The following NUP37 variants were observed in gnomAD, a reference collection of about 807,000 sequenced individuals.
NUP37 encodes the protein nucleoporin Nup37.
NUP37 carries 33 observed loss-of-function variants against 45.4 expected under a neutral mutation model. That is an observed-to-expected ratio of 0.73 (90% CI 0.55 to 0.97). NUP37 has a LOEUF of 0.97. Ranked by LOEUF, NUP37 falls within the 50% of genes least tolerant of loss-of-function variation. The probability of loss-of-function intolerance (pLI) is 0.00; values close to 1 mark genes in which losing one functional copy is unlikely to be tolerated. For missense variants in NUP37, 365 were observed against 389.7 expected, an observed-to-expected ratio of 0.94 and a Z score of 0.53; for synonymous variants, 127 against 130.7, an observed-to-expected ratio of 0.97 and a Z score of 0.19.
In NUP37 at chr12:102,081,232, T is replaced by G. The variant is rs139716924; in HGVS notation, c.541-3729A>C. Among the ~76,000 whole-genome samples the G allele has an allele frequency of 1.7e-4, 26 of 152,380 alleles. No individual in the cohort carries two copies. The East Asian group carries it at 4.0e-3, about 24-fold the overall frequency. On this transcript the variant is annotated intron_variant, in intron 6 of 9. Coordinates refer to ENST00000552283, the MANE Select transcript of NUP37 (RefSeq NM_024057.4). ...ACTCAAAAAACATTGGCTATTATTA[T>G]AGGTTAAAGTCAAATTAAAACTCAG...
chr12:102,085,791 C>T lies in NUP37; in HGVS notation c.515G>A (p.Cys172Tyr). ...FVLHSPGMSV[C>Y]WHPEETFKLM... ...CTTAAAAGTCTCCTCAGGATGCCAGCACACACTCATGCCAGGAGAATGAAG... is the reference window on the plus strand; with the variant it reads ...CTTAAAAGTCTCCTCAGGATGCCAGTACACACTCATGCCAGGAGAATGAAG... Residue 172 changes from cysteine to tyrosine, a missense_variant, in exon 6 of 10, where the codon TGC becomes TAC. Physicochemically the swap from Cys to Tyr is radical, Grantham distance 194 (BLOSUM62 -2). Transcript: ENST00000552283. The T allele has an allele frequency of 6.3e-7, 1 of 1,591,944 alleles. No individual in the cohort carries two copies. The highest frequency in any genetic ancestry group is 8.6e-7 in the Non-Finnish European group (1 of 1,162,488).
At chr12:102,074,700 C>T in intron 9 of NUP37, 1 of 453,930 alleles carries the variant, frequency 2.2e-6, no homozygotes, top group South Asian at 4.5e-5. Context: ...GCAGTCTACA[C>T]CAACCAAACA....
At chr12:102,103,597 T>G (rs1465235657) in intron 3 of NUP37, among the ~76,000 whole-genome samples, 1 of 152,192 alleles carries the variant, frequency 6.6e-6, no homozygotes, top group African/African-American at 2.4e-5. Context: ...CTAATTGCTC[T>G]GGCTAGGACT....
chr12:102,085,458 C>CA (rs1190286291), intron 6 of NUP37, among the ~76,000 whole-genome samples: 3 of 151,620 alleles, frequency 2.0e-5, no homozygotes, highest in Admixed American at 6.6e-5. Context: ...AAAACCAAAA[C>CA]AAAAAAAATC....
intron 5 of NUP37, among the ~76,000 whole-genome samples, chr12:102,098,279 C>T (rs999391036): frequency 6.6e-6 from 1 of 152,108 alleles, no homozygotes; most frequent in African/African-American, 2.4e-5. Flanking sequence ...GTTATAGCTA[C>T]CTCATCTGTT....
intron 1 of NUP37, among the ~76,000 whole-genome samples, chr12:102,119,596 T>C (rs996637919): frequency 2.6e-5 from 4 of 151,992 alleles, no homozygotes; most frequent in Non-Finnish European, 4.4e-5. Context: ...TCAAGCACCT[T>C]AAGAGTATGT....
intron 6 of NUP37, among the ~76,000 whole-genome samples, chr12:102,083,119 C>T (rs1879374473): frequency 6.6e-6 from 1 of 152,034 alleles, no homozygotes; most frequent in South Asian, 2.1e-4. Context: ...AAAATAACAG[C>T]AAGAAATTAA....
intron 7 of NUP37, chr12:102,077,112 T>C (rs1204650155): frequency 1.6e-6 from 1 of 626,394 alleles, no homozygotes; most frequent in Non-Finnish European, 2.8e-6. Context: ...AGATTTCCTC[T>C]TTTGCACTGT....
chr12:102,109,633 A>T (rs1019844729), intron 3 of NUP37, among the ~76,000 whole-genome samples: 3 of 152,174 alleles, frequency 2.0e-5, no homozygotes, highest in African/African-American at 7.2e-5. Context: ...ATGGCCTGCT[A>T]ATGTCTTTTG....
At chr12:102,098,577 G>A (rs1879880568) in intron 5 of NUP37, among the ~76,000 whole-genome samples, 1 of 151,750 alleles carries the variant, frequency 6.6e-6, no homozygotes. Context: ...TGCCACCCAG[G>A]CTGGAGTGCA....
At chr12:102,114,286 T>A (rs1480194479) in intron 2 of NUP37, among the ~76,000 whole-genome samples, 1 of 152,176 alleles carries the variant, frequency 6.6e-6, no homozygotes, top group Non-Finnish European at 1.5e-5. Context: ...TTGTTGACAA[T>A]CAAGTCCTTT....
At chr12:102,078,250 C>T (rs1026071495) in intron 6 of NUP37, among the ~76,000 whole-genome samples, 10 of 151,532 alleles carry the variant, frequency 6.6e-5, no homozygotes, top group Admixed American at 5.9e-4. Flanking sequence ...TGCTTGAATC[C>T]GAGAGGCAGA....
At chr12:102,104,199 G>A (rs138261252) in intron 3 of NUP37, among the ~76,000 whole-genome samples, 80 of 152,182 alleles carry the variant, frequency 5.3e-4, no homozygotes, top group African/African-American at 1.7e-3. Context: ...GTTTTGATTT[G>A]TATTTCTTTA....
rs527419143 is a variant in NUP37 at position 102,079,201 on chromosome 12, G to A, written c.541-1698C>T. 4.6e-5 allele frequency: 21 copies of A among 455,858 alleles called. No homozygotes were observed. In the East Asian group the frequency reaches 1.3e-3, roughly 29 times the overall value. The allele number at this position is 455,858 out of a possible 1,614,324, so 28.2% of individuals were successfully genotyped here. A position where few individuals can be genotyped will look rare whatever the true frequency, so the allele number is the denominator to read the frequency against. ...CCATTTAAACCTGTTGAGTGACCTG[G>A]AGTTATCTTTCATATCTGTAAAATG... On this transcript the variant is annotated intron_variant, in intron 6 of 9. Coordinates refer to ENST00000552283, the MANE Select transcript of NUP37 (RefSeq NM_024057.4).
chr12:102,084,235 TAACA>T (rs1404743412), intron 6 of NUP37, among the ~76,000 whole-genome samples: 2 of 152,218 alleles, frequency 1.3e-5, no homozygotes, highest in Admixed American at 6.5e-5. Flanking sequence ...ATAAATAAGC[TAACA>T]TACATGAAAT....
chr12:102,103,870 A>G (rs1880046133), intron 3 of NUP37, among the ~76,000 whole-genome samples: 1 of 152,216 alleles, frequency 6.6e-6, no homozygotes, highest in South Asian at 2.1e-4. Context: ...TCCGCATCAC[A>G]ATATAGGCCA....
chr12:102,118,307 G>A (rs1880529293), intron 2 of NUP37, 56 bp downstream of exon 2: 1 of 1,478,854 alleles, frequency 6.8e-7, no homozygotes, highest in African/African-American at 1.4e-5. Flanking sequence ...GTTTGTGTAA[G>A]TTCTCTTAGT....
intron 4 of NUP37, among the ~76,000 whole-genome samples, chr12:102,100,431 G>A (rs568834308): frequency 1.4e-4 from 21 of 152,224 alleles, no homozygotes; most frequent in African/African-American, 2.4e-4. Flanking sequence ...ACACACATAC[G>A]GCGTTTACTA....
chr12:102,100,587 G>A (rs1391552753), intron 4 of NUP37, among the ~76,000 whole-genome samples: 3 of 152,118 alleles, frequency 2.0e-5, no homozygotes, highest in East Asian at 1.9e-4. Context: ...GTCACACCAC[G>A]ACTAAGTAAT....
Sources: allele counts gnomAD v4.1 joint callset (sites outside exome capture counted in the v4.1 genomes callset), GRCh38; gene constraint gnomAD v4.1.1; transcripts MANE v1.5; gene names NCBI Gene and HGNC (gene_info 2026-07-23, HGNC 2026-07-21).